EVI5: variants seen among roughly 807,000 people sequenced by gnomAD.
The protein encoded by EVI5 is ecotropic viral integration site 5 protein homolog.
A neutral mutation model predicts 112.0 loss-of-function variants in EVI5; 73 were observed. The ratio of observed to expected loss-of-function variants is 0.65; its 90% CI spans 0.54 to 0.79. The LOEUF (loss-of-function observed/expected upper bound fraction) is 0.79. EVI5 is among the 30% of genes least tolerant of loss of function. The pLI, the probability that EVI5 is intolerant of heterozygous loss-of-function variation, is 0.00. For missense variants in EVI5, 900 were observed against 968.8 expected (o/e 0.93, Z 0.94); for synonymous variants, 305 against 319.9 (o/e 0.95, Z 0.50).
chr1:92,540,140 G>A (rs1324217243), intron 19 of EVI5, among the ~76,000 whole-genome samples: 1 of 152,144 alleles, frequency 6.6e-6, no homozygotes, highest in Non-Finnish European at 1.5e-5. Context: ...TAATAATGCT[G>A]CTATGAACAT....
intron 10 of EVI5, among the ~76,000 whole-genome samples, chr1:92,669,634 C>T (rs529383292): frequency 6.9e-6 from 1 of 145,940 alleles, no homozygotes; most frequent in Non-Finnish European, 1.5e-5. Flanking sequence ...TTTAAAATGT[C>T]TGTGTGTAAA....
intron 10 of EVI5, among the ~76,000 whole-genome samples, chr1:92,668,601 T>C (rs369527158): frequency 3.3e-4 from 51 of 152,336 alleles, no homozygotes; most frequent in African/African-American, 1.1e-3. Context: ...TTACGGCTTC[T>C]GAAATCTATT....
intron 18 of EVI5, among the ~76,000 whole-genome samples, chr1:92,595,414 G>A (rs1385112362): frequency 6.6e-6 from 1 of 152,064 alleles, no homozygotes; most frequent in Non-Finnish European, 1.5e-5. Flanking sequence ...GAGGCCTGTT[G>A]TGGGGTGGGG....
Position 92,513,766 on chromosome 1 carries a change from C to T in EVI5, c.2371G>A (p.Gly791Ser), listed in dbSNP as rs1659414310. Reference sequence around the variant, plus strand: ...CTGTCTTCTGTTTCGCTCTCACTACCATCTGCCACTGCGGGGTCCAAAGAC... The same window carrying T: ...CTGTCTTCTGTTTCGCTCTCACTACTATCTGCCACTGCGGGGTCCAAAGAC... The part of the protein sequence containing the change: ...SMSLDPAVAD[G>S]SESETEDSVL... The change falls in exon 20 of 20, where the codon GGT becomes AGT. Residue 791 changes from glycine (G) to serine (S), a missense_variant. Gly to Ser is a moderately conservative substitution (Grantham distance 56, BLOSUM62 0). Coordinates refer to ENST00000684568, the MANE Select transcript of EVI5 (RefSeq NM_001350197.2). The T allele has an allele frequency of 1.2e-6, 2 of 1,613,756 alleles. No homozygotes were observed. Among genetic ancestry groups the T allele is most frequent in the Non-Finnish European group, 1.7e-6 (2 of 1,179,906 alleles).
chr1:92,781,537 C>T (rs1302618610), intron 1 of EVI5, among the ~76,000 whole-genome samples: 1 of 151,748 alleles, frequency 6.6e-6, no homozygotes, highest in African/African-American at 2.4e-5. Context: ...AATAAAATTG[C>T]TATAAGACAA....
At chr1:92,759,789 T>C (rs1681521818) in intron 1 of EVI5, among the ~76,000 whole-genome samples, 1 of 152,168 alleles carries the variant, frequency 6.6e-6, no homozygotes, top group Non-Finnish European at 1.5e-5. Context: ...ATCCATGTTG[T>C]AGCATGTATC....
Position 92,607,688 on chromosome 1 carries a change from CTT to C in EVI5, c.1865_1866del (p.Gln622ArgfsTer4). ...INSNHLRRAE[Q>X]EVISLQEKVQ... ...ACTTTCTCCTGTAGGCTAATCACCT[CTT>C]GTTCTGCTCTTCGAAGATGGTTACT... On this transcript the variant is annotated frameshift_variant, in exon 17 of 20. Coordinates refer to ENST00000684568, the MANE Select transcript of EVI5 (RefSeq NM_001350197.2). LOFTEE classifies it high-confidence loss of function. 1.2e-6 allele frequency: 2 copies of C among 1,604,962 alleles called. No individual in the cohort carries two copies. Among genetic ancestry groups the C allele is most frequent in the African/African-American group, 1.3e-5 (1 of 74,606 alleles).
intron 11 of EVI5, among the ~76,000 whole-genome samples, chr1:92,663,905 A>C (rs1420417321): frequency 6.6e-6 from 1 of 152,114 alleles, no homozygotes; most frequent in Non-Finnish European, 1.5e-5. Flanking sequence ...GTGCCACCAC[A>C]TGTAGCTAGT....
intron 13 of EVI5, among the ~76,000 whole-genome samples, chr1:92,662,193 G>C (rs755603405): frequency 6.6e-6 from 1 of 152,076 alleles, no homozygotes; most frequent in Admixed American, 6.6e-5. Context: ...TTGAAATATA[G>C]GCATACACCT....
intron 1 of EVI5, 29 bp from the exon 2 acceptor site, chr1:92,736,656 CT>C: frequency 7.1e-7 from 1 of 1,414,958 alleles, no homozygotes; most frequent in Non-Finnish European, 1.0e-6. Flanking sequence ...GTTGCATATA[CT>C]TTAGTTACAC....
At chr1:92,646,850 A>G (rs1461501296) in intron 13 of EVI5, among the ~76,000 whole-genome samples, 2 of 152,224 alleles carry the variant, frequency 1.3e-5, no homozygotes, top group East Asian at 3.8e-4. Flanking sequence ...AGTGTTCCAG[A>G]CACACATGAC....
intron 16 of EVI5, among the ~76,000 whole-genome samples, chr1:92,618,773 G>A (rs1653818459): frequency 6.6e-6 from 1 of 152,192 alleles, no homozygotes; most frequent in Non-Finnish European, 1.5e-5. Context: ...GCAGAAACAA[G>A]GACTGTAATT....
chr1:92,711,884 T>A (rs6604008), intron 2 of EVI5, among the ~76,000 whole-genome samples: 106,656 of 152,012 alleles, frequency 0.7, 37,962 homozygotes, highest in East Asian at 0.94. Context: ...TTGCTCACAG[T>A]TTGGAGGGTG....
intron 16 of EVI5, among the ~76,000 whole-genome samples, chr1:92,615,125 G>A (rs1320300417): frequency 6.6e-6 from 1 of 152,000 alleles, no homozygotes; most frequent in Non-Finnish European, 1.5e-5. Flanking sequence ...TTTGTAGAGA[G>A]TTACGCAAAA....
At chr1:92,641,143 A>G (rs573264766) in intron 13 of EVI5, among the ~76,000 whole-genome samples, 2 of 152,300 alleles carry the variant, frequency 1.3e-5, no homozygotes, top group South Asian at 2.1e-4. Flanking sequence ...ACATATACCT[A>G]TGTAACAAAC....
intron 17 of EVI5, chr1:92,607,362 C>A: frequency 4.9e-6 from 2 of 405,194 alleles, no homozygotes; most frequent in Non-Finnish European, 8.6e-6. Context: ...TTAAATTAAC[C>A]AAGGAAGTGA....
intron 9 of EVI5, among the ~76,000 whole-genome samples, chr1:92,678,124 G>C (rs185844572): frequency 1.7e-4 from 26 of 152,228 alleles, no homozygotes; most frequent in African/African-American, 6.3e-4. Context: ...TCTGGGTGAT[G>C]GGATCATTCA....
At position 92,714,176 on chromosome 1, in the gene EVI5, T is replaced by C. The variant is rs183050331; in HGVS notation, c.150-9432A>G. 1,302 of 977,912 alleles carry C rather than the reference T, an allele frequency of 1.3e-3. 5 individuals are homozygous for C. Among genetic ancestry groups the C allele is most frequent in the Middle Eastern group, 8.9e-3 (17 of 1,904 alleles). The allele number at this position is 977,912 out of a possible 1,614,324, so 60.6% of individuals were successfully genotyped here. A position where few individuals can be genotyped will look rare whatever the true frequency, so the allele number is the denominator to read the frequency against. ...ACCATTTCTTCACATCTTTCTGGGGTTGCTACATGCACTTATTTTTAAAAA... is the reference window on the plus strand; with the variant it reads ...ACCATTTCTTCACATCTTTCTGGGGCTGCTACATGCACTTATTTTTAAAAA... On this transcript the variant is annotated intron_variant, in intron 2 of 19. Transcript: ENST00000684568.
intron 19 of EVI5, among the ~76,000 whole-genome samples, chr1:92,540,547 G>T (rs1035448388): frequency 5.3e-5 from 8 of 152,046 alleles, no homozygotes; most frequent in Non-Finnish European, 1.0e-4. Context: ...TAATTGAATT[G>T]TAAGAGTTCT....
Sources: gnomAD v4.1 joint callset for allele counts (sites outside exome capture counted in the v4.1 genomes callset) on GRCh38, gnomAD v4.1.1 for gene constraint, MANE v1.5 for transcripts, NCBI Gene and HGNC (gene_info 2026-07-23, HGNC 2026-07-21) for gene names.